The following ITGBL1 variants were observed in gnomAD, a reference collection of about 807,000 sequenced individuals.
ITGBL1 encodes integrin beta-like protein 1.
In ITGBL1, 51 loss-of-function variants were observed where a neutral mutation model predicts 68.5. The ratio of observed to expected loss-of-function variants is 0.74; its 90% CI spans 0.59 to 0.94. The LOEUF (loss-of-function observed/expected upper bound fraction) is 0.94, where lower values mean the gene tolerates loss of function less well. ITGBL1 is among the 40% of genes least tolerant of loss of function. ITGBL1 has a pLI of 0.00. For synonymous variants in ITGBL1, 209 were observed against 227.3 expected (o/e 0.92, Z 0.72); for missense variants, 649 against 647.4 (o/e 1.00, Z -0.03).
chr13:101,514,020 C>A (rs2049157005), intron 2 of ITGBL1, among the ~76,000 whole-genome samples: 1 of 151,976 alleles, frequency 6.6e-6, no homozygotes, highest in Non-Finnish European at 1.5e-5. Flanking sequence ...AATTTAATAT[C>A]TTTTGCATTA....
At chr13:101,673,168 C>G (rs2033418491) in intron 7 of ITGBL1, among the ~76,000 whole-genome samples, 1 of 152,102 alleles carries the variant, frequency 6.6e-6, no homozygotes, top group African/African-American at 2.4e-5. Flanking sequence ...AGACTCTTGC[C>G]CCTCTTAATT....
At chr13:101,687,508 C>T (rs1387985932) in intron 7 of ITGBL1, among the ~76,000 whole-genome samples, 3 of 152,122 alleles carry the variant, frequency 2.0e-5, no homozygotes, top group East Asian at 3.9e-4. Context: ...ATATTTTACA[C>T]AAGTTCAGAG....
At chr13:101,459,916 G>A (rs139869832) in intron 2 of ITGBL1, among the ~76,000 whole-genome samples, 3 of 152,146 alleles carry the variant, frequency 2.0e-5, no homozygotes, top group African/African-American at 7.2e-5. Context: ...ATACTACGAA[G>A]TAAGTAGTAT....
At chr13:101,698,288 T>C (rs926527436) in intron 8 of ITGBL1, among the ~76,000 whole-genome samples, 1 of 152,190 alleles carries the variant, frequency 6.6e-6, no homozygotes, top group African/African-American at 2.4e-5. Context: ...ATAAAAAACA[T>C]GTATAAACTT....
rs1012585555 is a variant in ITGBL1, at chr13:101,630,553, G to A, written c.1015+32254G>A. Among the ~76,000 whole-genome samples, 7 of 152,076 alleles carry A rather than the reference G, an allele frequency of 4.6e-5. 1 individual carries two copies. Among genetic ancestry groups the A allele is most frequent in the Admixed American group, 2.6e-4 (4 of 15,266 alleles). On this transcript the variant is annotated intron_variant, in intron 7 of 10. Transcript: ENST00000376180. ...TGTATACTTCAATGGTTTCTTCAAC[G>A]TCACATCTGGTACTGTTGCACTTGA...
chr13:101,598,834 A>G (rs147048949), intron 7 of ITGBL1, among the ~76,000 whole-genome samples: 180 of 152,188 alleles, frequency 1.2e-3, no homozygotes, highest in African/African-American at 3.8e-3. Context: ...CCAGTCTATC[A>G]TTGTTGGACA....
chr13:101,457,186 G>A (rs558973883), intron 2 of ITGBL1, among the ~76,000 whole-genome samples: 2 of 152,280 alleles, frequency 1.3e-5, no homozygotes, highest in Admixed American at 1.3e-4. Context: ...CATAACAAGT[G>A]GGCTAGTATG....
At chr13:101,610,740 C>T (rs2031087106) in intron 7 of ITGBL1, among the ~76,000 whole-genome samples, 1 of 152,026 alleles carries the variant, frequency 6.6e-6, no homozygotes, top group Non-Finnish European at 1.5e-5. Context: ...TCTCATGCAG[C>T]CCCTTACAGA....
intron 7 of ITGBL1, among the ~76,000 whole-genome samples, chr13:101,623,624 A>G (rs1326197580): frequency 2.6e-5 from 4 of 152,206 alleles, no homozygotes; most frequent in African/African-American, 7.2e-5. Context: ...CTTTCATCTG[A>G]GGACAGGCAG....
intron 7 of ITGBL1, among the ~76,000 whole-genome samples, chr13:101,682,639 C>G (rs2139530698): frequency 6.6e-6 from 1 of 151,786 alleles, no homozygotes; most frequent in East Asian, 1.9e-4. Context: ...CATTTTTGCC[C>G]TCAGTTCATT....
At chr13:101,696,150 T>A (rs2033997817) in intron 8 of ITGBL1, among the ~76,000 whole-genome samples, 1 of 152,130 alleles carries the variant, frequency 6.6e-6, no homozygotes, top group Admixed American at 6.5e-5. Flanking sequence ...CCTCATGAAC[T>A]CCTGCAAGAA....
chr13:101,487,185 C>T (rs10851132), intron 2 of ITGBL1, among the ~76,000 whole-genome samples: 36,604 of 151,998 alleles, frequency 0.24, 4,904 homozygotes, highest in East Asian at 0.48. Context: ...TGTGTAGTTA[C>T]AGCTCCAAGG....
intron 8 of ITGBL1, chr13:101,692,946 T>C (rs2033916288): frequency 2.8e-6 from 1 of 358,780 alleles, no homozygotes. Context: ...TGAATCTAAG[T>C]ACTAAGATAC....
Position 101,519,888 on chromosome 13 carries a change from T to C in ITGBL1, c.317-47811T>C, listed in dbSNP as rs1461150321. 2.0e-5 allele frequency among the ~76,000 whole-genome samples: 3 copies of C among 152,330 alleles called. No homozygotes were observed. The East Asian group carries it at 5.8e-4, about 29-fold the overall frequency. Reference sequence around the variant, plus strand: ...ATAGAAGGAGGTCCCCATTTCTACATCAGTGTCTCATGTGGTAAAAAGATT... The same window carrying C: ...ATAGAAGGAGGTCCCCATTTCTACACCAGTGTCTCATGTGGTAAAAAGATT... On this transcript the variant is annotated intron_variant, in intron 2 of 10. Coordinates refer to ENST00000376180, the MANE Select transcript of ITGBL1 (RefSeq NM_004791.3).
At chr13:101,605,321 T>C (rs1002657058) in intron 7 of ITGBL1, among the ~76,000 whole-genome samples, 1 of 6,656 alleles carries the variant, frequency 1.5e-4, no homozygotes. Context: ...TATATATGCA[T>C]ATGCGTATAT....
At chr13:101,538,874 T>C (rs929651676) in intron 2 of ITGBL1, among the ~76,000 whole-genome samples, 4 of 152,146 alleles carry the variant, frequency 2.6e-5, no homozygotes, top group Non-Finnish European at 5.9e-5. Context: ...TTATTTTACA[T>C]AGAAATTCTG....
intron 7 of ITGBL1, among the ~76,000 whole-genome samples, chr13:101,632,579 C>T (rs2032023165): frequency 6.6e-6 from 1 of 152,140 alleles, no homozygotes; most frequent in African/African-American, 2.4e-5. Context: ...AGTGAACCAC[C>T]ACTTACCAAT....
chr13:101,698,711 T>C (rs1325505345), intron 8 of ITGBL1, among the ~76,000 whole-genome samples: 2 of 152,244 alleles, frequency 1.3e-5, no homozygotes, highest in Non-Finnish European at 1.5e-5. Flanking sequence ...GTTCGTAAGA[T>C]TTATTTATTT....
chr13:101,709,398 A>AAAAAAAAAAAAG (rs2034357613), intron 9 of ITGBL1, among the ~76,000 whole-genome samples: 1 of 144,852 alleles, frequency 6.9e-6, no homozygotes, highest in African/African-American at 2.5e-5. Context: ...AAAAAAAAAA[A>AAAAAAAAAAAAG]GAAAAGCAGG....
Sources: gnomAD v4.1 joint callset for allele counts (sites outside exome capture counted in the v4.1 genomes callset) on GRCh38, gnomAD v4.1.1 for gene constraint, MANE v1.5 for transcripts, NCBI Gene and HGNC (gene_info 2026-07-23, HGNC 2026-07-21) for gene names.